Variants in SEC16A observed in about 807,000 individuals in gnomAD.
SEC16A encodes SEC16 homolog A, endoplasmic reticulum export factor, also known as protein transport protein Sec16A.
SEC16A carries 110 observed loss-of-function variants against 221.9 expected under a neutral mutation model. The ratio of observed to expected loss-of-function variants is 0.50; its 90% CI spans 0.42 to 0.58. SEC16A has a LOEUF of 0.58. Among genes scored for constraint, SEC16A ranks in the 20% least tolerant of loss-of-function variants. The pLI is 0.00. For missense variants in SEC16A, 3,165 were observed against 3,097.8 expected, an observed-to-expected ratio of 1.02 and a Z score of -0.52; for synonymous variants, 1,393 against 1,257.7, an observed-to-expected ratio of 1.11 and a Z score of -2.28.
intron 23 of SEC16A, among the ~76,000 whole-genome samples, chr9:136,450,606 T>A (rs918978440): frequency 6.6e-6 from 1 of 151,968 alleles, no homozygotes; most frequent in African/African-American, 2.4e-5. Flanking sequence ...GAAGACACAA[T>A]GAGATGTCAT....
chr9:136,451,203 C>G, intron 23 of SEC16A, 53 bp downstream of exon 23: 1 of 1,570,766 alleles, frequency 6.4e-7, no homozygotes, highest in South Asian at 1.2e-5. Context: ...GGAAGCGTGC[C>G]TCCTGCCCAA....
At chr9:136,455,994 G>A in intron 19 of SEC16A, 59 bp downstream of exon 19, 1 of 1,388,040 alleles carries the variant, frequency 7.2e-7, no homozygotes, top group Non-Finnish European at 1.0e-6. Flanking sequence ...GTGTGGAAAT[G>A]ACAGGGACAG....
Position 136,463,527 on chromosome 9 carries a change from A to G in SEC16A, c.4583T>C (p.Leu1528Ser), listed in dbSNP as rs779861496. The G allele has an allele frequency of 3.1e-6, 5 of 1,613,876 alleles. No homozygotes were observed. In the East Asian group the frequency reaches 1.1e-4, roughly 36 times the overall value. ...KAMKCLQNENLIDKESASLLW... is the reference protein window; with the variant it reads ...KAMKCLQNENSIDKESASLLW... The stretch of plus-strand genomic sequence containing the variant: ...AAGACTTGCAGACTCTTTGTCAATT[A>G]AGTTTTCATTCTGCAAACATTTCAT... Residue 1528 changes from leucine to serine, a missense_variant, in exon 11 of 32, where the codon TTA becomes TCA. This residue lies in a region of SEC16A where 1,088 missense variants were observed against 1,089.6 expected (regional missense o/e 1.00). Transcript: ENST00000684901.
At chr9:136,454,412 G>C in intron 20 of SEC16A, 85 bp from the exon 21 acceptor site, 2 of 1,269,192 alleles carry the variant, frequency 1.6e-6, no homozygotes, top group Middle Eastern at 1.9e-4. Context: ...ACGTGTTTAT[G>C]ACAAGTTATT....
intron 13 of SEC16A, 81 bp from the exon 14 acceptor site, chr9:136,460,204 T>C: frequency 1.7e-6 from 2 of 1,183,072 alleles, no homozygotes; most frequent in Middle Eastern, 1.9e-4. Context: ...GGCTCACGCC[T>C]GTAATCCCAG....
intron 3 of SEC16A, 40 bp from the exon 4 acceptor site, chr9:136,472,151 A>G (rs1481097137): frequency 2.1e-5 from 33 of 1,609,574 alleles, no homozygotes; most frequent in Non-Finnish European, 2.8e-5. Context: ...GACACCAATC[A>G]AGAGCAAGCT....
At chr9:136,471,727 C>A (rs1840897264) in intron 4 of SEC16A, among the ~76,000 whole-genome samples, 1 of 152,234 alleles carries the variant, frequency 6.6e-6, no homozygotes, top group African/African-American at 2.4e-5. Context: ...GGTCTGGCCC[C>A]AGTAGGGGTG....
chr9:136,447,661 G>A lies in SEC16A; in HGVS notation c.6467C>T (p.Pro2156Leu), dbSNP rs762279463. 8 of 1,612,292 alleles carry A rather than the reference G, an allele frequency of 5.0e-6. No homozygotes were observed. Among genetic ancestry groups the A allele is most frequent in the East Asian group, 2.2e-5 (1 of 44,878 alleles). Residue 2156 changes from proline to leucine, a missense_variant, in exon 26 of 32, where the codon CCT (proline) becomes CTT (leucine). Pro to Leu is a moderately conservative substitution (Grantham distance 98). Transcript: ENST00000684901. This position sits in a 1 kb window ranked among gnomAD's most constrained non-coding sequence, Gnocchi z 5.5. ...PEEEKKAPPP[P>L]PTSMPKTVQA... ...CACAGTCTTGGGCATCGAGGTTGGA[G>A]GTGGGGGCGGGGCTTTCTTCTGCAG...
At position 136,474,727 on chromosome 9, in the gene SEC16A, A is replaced by G. The variant is rs1332580203; in HGVS notation, c.2889T>C (p.Ser963=). ...GFANSPAGST[S]VVLVPPAHGT... is the part of the protein sequence containing the mutation. Reference sequence around the variant, plus strand: ...CGTGTGCAGGTGGAACTAACACCACACTTGTGCTTCCAGCAGGGCTATTAG... The same window carrying G: ...CGTGTGCAGGTGGAACTAACACCACGCTTGTGCTTCCAGCAGGGCTATTAG... Residue 963 remains serine (S), a synonymous_variant, in exon 3 of 32, where the codon AGT becomes AGC. Transcript: ENST00000684901. 5 of 1,613,772 alleles carry G rather than the reference A, an allele frequency of 3.1e-6. No homozygotes were observed. The highest frequency in any genetic ancestry group is 4.2e-6 in the Non-Finnish European group (5 of 1,179,902).
In SEC16A at chr9:136,466,955, A is replaced by T; in HGVS notation, c.3929+2T>A. 6.2e-7 allele frequency: 1 copy of T among 1,612,130 alleles called. No individual in the cohort carries two copies. Among genetic ancestry groups the T allele is most frequent in the Non-Finnish European group, 8.5e-7 (1 of 1,179,246 alleles). On this transcript the variant is annotated splice_donor_variant, in intron 6 of 31. Coordinates refer to ENST00000684901, the MANE Select transcript of SEC16A (RefSeq NM_014866.2). LOFTEE classifies it high-confidence loss of function. The surrounding 1 kb of genome is among the most constrained non-coding windows in gnomAD (Gnocchi z 5.5). ...CTGCCTCCCCAGGGGTGCTCCACCAACCTGTCCCCGAAGGCAGAGTGCTCT... is the reference window on the plus strand; with the variant it reads ...CTGCCTCCCCAGGGGTGCTCCACCATCCTGTCCCCGAAGGCAGAGTGCTCT...
Position 136,476,522 on chromosome 9 carries a change from T to G in SEC16A, c.1094A>C (p.Asp365Ala). 6.2e-7 allele frequency: 1 copy of G among 1,613,012 alleles called. No homozygotes were observed. The highest frequency in any genetic ancestry group is 8.5e-7 in the Non-Finnish European group (1 of 1,179,568). The change falls in exon 3 of 32, where the codon GAC becomes GCC. Residue 365 changes from aspartate to alanine, a missense_variant. Coordinates refer to ENST00000684901, the MANE Select transcript of SEC16A (RefSeq NM_014866.2). ...AGSGCAPLEA[D>A]SGASGALAMF... ...CGCCAGAGCTCCTGAAGCTCCTGAG[T>G]CTGCTTCTAGCGGGGCACAGCCAGA...
chr9:136,443,844 G>A lies in SEC16A; in HGVS notation c.6984C>T (p.Tyr2328=), dbSNP rs745758179. 6.2e-7 allele frequency: 1 copy of A among 1,612,530 alleles called. No individual in the cohort carries two copies. Among genetic ancestry groups the A allele is most frequent in the South Asian group, 1.1e-5 (1 of 90,818 alleles). Residue 2328 remains tyrosine, a synonymous_variant, in exon 31 of 32, where the codon TAC becomes TAT. Coordinates refer to ENST00000684901, the MANE Select transcript of SEC16A (RefSeq NM_014866.2). Reference sequence around the variant, plus strand: ...TCACCTGTGCCAGCTGAGCAGGGTTGTAGAAGGGCATGGCCCCGCTGGGAG... The same window carrying A: ...TCACCTGTGCCAGCTGAGCAGGGTTATAGAAGGGCATGGCCCCGCTGGGAG... ...GGPPSGAMPF[Y]NPAQLAQACA...
intron 9 of SEC16A, among the ~76,000 whole-genome samples, chr9:136,463,996 T>A (rs1162516847): frequency 6.6e-6 from 1 of 152,156 alleles, no homozygotes; most frequent in Non-Finnish European, 1.5e-5. Flanking sequence ...AGAACCCCAA[T>A]ACATGTGACA....
chr9:136,443,818 CT>C lies in SEC16A; in HGVS notation c.7005+4del. 2.5e-6 allele frequency: 4 copies of C among 1,610,630 alleles called. No individual in the cohort carries two copies. Among genetic ancestry groups the C allele is most frequent in the Non-Finnish European group, 3.4e-6 (4 of 1,178,334 alleles). On this transcript the variant is annotated splice_donor_region_variant and intron_variant, in intron 31 of 31. Coordinates refer to ENST00000684901, the MANE Select transcript of SEC16A (RefSeq NM_014866.2). ...GTCTCGTAGGGAAAGGTAGGAGTCA[CT>C]CACCTGTGCCAGCTGAGCAGGGTTG...
chr9:136,450,938 C>T (rs767038459), intron 23 of SEC16A, among the ~76,000 whole-genome samples: 11 of 152,196 alleles, frequency 7.2e-5, no homozygotes, highest in African/African-American at 1.4e-4. Context: ...ATCTGTGAGC[C>T]GGCAGCAGGC....
Position 136,474,962 on chromosome 9 carries a change from A to G in SEC16A, c.2654T>C (p.Leu885Ser). 1 of 1,613,796 alleles carries G rather than the reference A, an allele frequency of 6.2e-7. No individual in the cohort carries two copies. Among genetic ancestry groups the G allele is most frequent in the Non-Finnish European group, 8.5e-7 (1 of 1,179,858 alleles). ...GACAGAGCTGGTTGGAATCCCAGAC[A>G]AAGAAGTGTTCTCCCCAGAATCACC... Reference protein sequence around the residue: ...LGGDSGENTSLSGIPTSSVLS... With the variant: ...LGGDSGENTSSSGIPTSSVLS... The change falls in exon 3 of 32, where the codon TTG (leucine) becomes TCG (serine). Residue 885 changes from leucine (L) to serine (S), a missense_variant. Physicochemically the swap from Leu to Ser is moderately radical, Grantham distance 145 (BLOSUM62 -2). Coordinates refer to ENST00000684901, the MANE Select transcript of SEC16A (RefSeq NM_014866.2).
At chr9:136,474,011 G>C (rs1841262390) in intron 3 of SEC16A, 38 bp downstream of exon 3, 1 of 1,554,960 alleles carries the variant, frequency 6.4e-7, no homozygotes, top group East Asian at 2.3e-5. Flanking sequence ...TCAAAGCACA[G>C]ACAGAAAAGT....
intron 18 of SEC16A, among the ~76,000 whole-genome samples, 157 bp from the exon 19 acceptor site, chr9:136,456,323 G>A (rs1026978718): frequency 6.6e-6 from 1 of 152,256 alleles, no homozygotes; most frequent in African/African-American, 2.4e-5. Context: ...GACATACACA[G>A]CACATGGGAC....
chr9:136,443,662 T>C (rs1836522412), intron 31 of SEC16A, among the ~76,000 whole-genome samples, 161 bp downstream of exon 31: 1 of 152,218 alleles, frequency 6.6e-6, no homozygotes, highest in Admixed American at 6.5e-5. Context: ...CACTCCAGCC[T>C]GGGCAACAGA....
Sources: allele counts gnomAD v4.1 joint callset (sites outside exome capture counted in the v4.1 genomes callset), GRCh38; gene constraint gnomAD v4.1.1; regional missense constraint gnomAD v4.1.1; non-coding constraint Gnocchi (gnomAD v3.1); transcripts MANE v1.5; gene names NCBI Gene and HGNC (gene_info 2026-07-23, HGNC 2026-07-21).